Variants in CFAP161 observed in about 807,000 individuals in gnomAD.
The protein encoded by CFAP161 is cilia- and flagella-associated protein 161.
In CFAP161, 25 loss-of-function variants were observed where a neutral mutation model predicts 29.0. The ratio of observed to expected loss-of-function variants is 0.86; its 90% CI spans 0.63 to 1.20. CFAP161 has a LOEUF of 1.20. Among genes scored for constraint, CFAP161 ranks in the 50% most tolerant of loss-of-function variants. CFAP161 has a pLI of 0.00. For missense variants in CFAP161, 367 were observed against 371.9 expected (o/e 0.99, Z 0.11); for synonymous variants, 116 against 137.4 (o/e 0.84, Z 1.09).
rs548734165 is a variant in CFAP161 at position 81,145,691 on chromosome 15, C to G, written c.636+1871C>G. 2.0e-5 allele frequency among the ~76,000 whole-genome samples: 3 copies of G among 152,252 alleles called. No homozygotes were observed. The East Asian group carries it at 5.8e-4, about 29-fold the overall frequency. ...GGAAACCCCAAACCTGTCTGAGCTA[C>G]CTTGCACATGTCAATGACCTCTGGC... On this transcript the variant is annotated intron_variant, in intron 5 of 6. Transcript: ENST00000286732.
At chr15:81,107,216 G>A (rs776707220) in intron 1 of CFAP161, among the ~76,000 whole-genome samples, 3 of 152,160 alleles carry the variant, frequency 2.0e-5, no homozygotes, top group Non-Finnish European at 4.4e-5. Flanking sequence ...AGTATTTACC[G>A]AGTACTCACT....
In CFAP161 at chr15:81,110,457, C is replaced by G. The variant is rs114341766; in HGVS notation, c.-141-17133C>G. ...CCCTCCCCAGGATATCTGTGAATTT[C>G]CAGGAGGGTGCTGTTCTCCTGGTCA... On this transcript the variant is annotated intron_variant, in intron 1 of 4. Coordinates refer to the CFAP161 transcript ENST00000560091. 1.5e-3 allele frequency among the ~76,000 whole-genome samples: 231 copies of G among 152,168 alleles called. 1 individual carries two copies. The highest frequency in any genetic ancestry group is 5.1e-3 in the African/African-American group (210 of 41,518).
intron 4 of CFAP161, among the ~76,000 whole-genome samples, chr15:81,138,361 A>G (rs1205627263): frequency 2.0e-5 from 3 of 152,238 alleles, no homozygotes; most frequent in Non-Finnish European, 4.4e-5. Flanking sequence ...CCTAAACAGT[A>G]AGGGAGGAAA....
intron 5 of CFAP161, among the ~76,000 whole-genome samples, chr15:81,147,357 C>T (rs1895026585): frequency 6.6e-6 from 1 of 152,078 alleles, no homozygotes; most frequent in African/African-American, 2.4e-5. Flanking sequence ...AAGCATGGAC[C>T]ACCGATTTTT....
At chr15:81,147,793 T>G in intron 5 of CFAP161, 65 bp from the exon 6 acceptor site, 2 of 1,292,372 alleles carry the variant, frequency 1.5e-6, no homozygotes, top group Middle Eastern at 2.0e-4. Context: ...TTAGGTAAGC[T>G]TTTCCCTAAA....
chr15:81,148,921 G>A lies in CFAP161; in HGVS notation c.*388G>A, dbSNP rs1277328858. On this transcript the variant is annotated 3_prime_UTR_variant, in exon 7 of 7. Transcript: ENST00000286732. ...TGGTACCACAGTTTCCCTCTTGAAT[G>A]TACTAAAACACAAAAAACTGACAGC... 1 of 155,702 alleles carries A rather than the reference G, an allele frequency of 6.4e-6. No homozygotes were observed. The highest frequency in any genetic ancestry group is 1.4e-5 in the Non-Finnish European group (1 of 70,466). The allele number at this position is 155,702 out of a possible 1,614,324, so 9.6% of individuals were successfully genotyped here.
chr15:81,139,173 C>T (rs1057288457), intron 4 of CFAP161, among the ~76,000 whole-genome samples: 10 of 152,052 alleles, frequency 6.6e-5, no homozygotes, highest in Non-Finnish European at 2.9e-5. Flanking sequence ...GGTATGGTGA[C>T]GCGCTCCTGT....
chr15:81,103,778 A>G (rs1468185890), intron 1 of CFAP161, among the ~76,000 whole-genome samples: 1 of 152,144 alleles, frequency 6.6e-6, no homozygotes, highest in Non-Finnish European at 1.5e-5. Context: ...GGAGGTCTGA[A>G]CTTGCAACTG....
At chr15:81,147,523 C>G (rs1895029543) in intron 5 of CFAP161, among the ~76,000 whole-genome samples, 1 of 152,186 alleles carries the variant, frequency 6.6e-6, no homozygotes, top group Non-Finnish European at 1.5e-5. Context: ...CACACCAAGG[C>G]TACACGGGAT....
intron 1 of CFAP161, among the ~76,000 whole-genome samples, chr15:81,118,580 G>A (rs1412763223): frequency 6.6e-6 from 1 of 152,224 alleles, no homozygotes; most frequent in African/African-American, 2.4e-5. Context: ...GTCCGCGGGG[G>A]GCTCGCGGTG....
At position 81,136,502 on chromosome 15, in the gene CFAP161, T is replaced by C. The variant is rs377413316; in HGVS notation, c.160-14T>C. The C allele has an allele frequency of 5.6e-6, 9 of 1,610,682 alleles. No individual in the cohort carries two copies. The African/African-American group carries it at 1.1e-4, about 19-fold the overall frequency. On this transcript the variant is annotated splice_polypyrimidine_tract_variant and intron_variant, in intron 2 of 6. Coordinates refer to ENST00000286732, the MANE Select transcript of CFAP161 (RefSeq NM_173528.4). ...TTGCATGGTTTATGTAATAAACTAC[T>C]ATCAAAATTGTAGATGCAACTTTCC...
intron 4 of CFAP161, among the ~76,000 whole-genome samples, chr15:81,143,160 A>T (rs1214757769): frequency 2.0e-5 from 3 of 152,072 alleles, no homozygotes; most frequent in African/African-American, 7.2e-5. Context: ...CAAATAAAAA[A>T]AAATCAGCTG....
chr15:81,120,122 C>CA (rs1175757126), intron 1 of CFAP161, among the ~76,000 whole-genome samples: 1 of 151,970 alleles, frequency 6.6e-6, no homozygotes, highest in Non-Finnish European at 1.5e-5. Context: ...GGCCAATTAC[C>CA]AAAAAGCTAA....
chr15:81,119,286 T>A (rs1180647188), intron 1 of CFAP161, among the ~76,000 whole-genome samples: 1 of 152,204 alleles, frequency 6.6e-6, no homozygotes, highest in Non-Finnish European at 1.5e-5. Flanking sequence ...TATTTATTTC[T>A]ACTACATGCA....
At chr15:81,127,210 G>C (rs936517009) in intron 1 of CFAP161, among the ~76,000 whole-genome samples, 5 of 152,218 alleles carry the variant, frequency 3.3e-5, no homozygotes, top group African/African-American at 1.2e-4. Flanking sequence ...CCGTGTTTTA[G>C]ATGATGGTGA....
chr15:81,110,562 G>A (rs1353501199), intron 1 of CFAP161, among the ~76,000 whole-genome samples: 1 of 152,180 alleles, frequency 6.6e-6, no homozygotes, highest in East Asian at 1.9e-4. Context: ...TAGGCAGACT[G>A]AGACTAAACA....
chr15:81,131,038 C>G (rs1237331259), upstream of CFAP161, among the ~76,000 whole-genome samples: 1 of 151,118 alleles, frequency 6.6e-6, no homozygotes, highest in East Asian at 1.9e-4. Flanking sequence ...TTGAGCATTA[C>G]CAAAATGTGA....
chr15:81,101,789 A>G (rs1017349821), intron 1 of CFAP161, among the ~76,000 whole-genome samples: 18 of 152,118 alleles, frequency 1.2e-4, no homozygotes, highest in African/African-American at 4.3e-4. Flanking sequence ...GTGCTCTGTC[A>G]GTGTCTCTAC....
chr15:81,136,549 C>T lies in CFAP161; in HGVS notation c.193C>T (p.His65Tyr). ...TTCCGTAACTGAAGATGGCTATATTCATTACGGTGACAAAGTGATGCTTGT... is the reference window on the plus strand; with the variant it reads ...TTCCGTAACTGAAGATGGCTATATTTATTACGGTGACAAAGTGATGCTTGT... ...QLSVTEDGYI[H>Y]YGDKVMLVNP... is the part of the protein sequence containing the mutation. Residue 65 changes from histidine (H) to tyrosine (Y), a missense_variant, in exon 3 of 7, where the codon CAT (histidine) becomes TAT (tyrosine). His to Tyr is a moderately conservative substitution (Grantham distance 83). Coordinates refer to ENST00000286732, the MANE Select transcript of CFAP161 (RefSeq NM_173528.4). The T allele has an allele frequency of 6.2e-7, 1 of 1,614,182 alleles. No homozygotes were observed. Among genetic ancestry groups the T allele is most frequent in the Non-Finnish European group, 8.5e-7 (1 of 1,180,026 alleles).
Sources: gnomAD v4.1 joint callset for allele counts (sites outside exome capture counted in the v4.1 genomes callset) on GRCh38, gnomAD v4.1.1 for gene constraint, MANE v1.5 for transcripts, NCBI Gene and HGNC (gene_info 2026-07-23, HGNC 2026-07-21) for gene names.